HTR1F: variants seen among roughly 807,000 people sequenced by gnomAD.
HTR1F encodes the protein 5-hydroxytryptamine (serotonin) receptor 1F, G protein-coupled.
Under a neutral mutation model 24.0 loss-of-function variants are expected in HTR1F, and 17 were observed. The observed-to-expected ratio is 0.71, with a 90% confidence interval of 0.48 to 1.06. The LOEUF (loss-of-function observed/expected upper bound fraction) is 1.06. Ranked by LOEUF, HTR1F falls within the 50% of genes least tolerant of loss-of-function variation. The pLI, the probability that HTR1F is intolerant of heterozygous loss-of-function variation, is 0.00. For missense variants in HTR1F, 391 were observed against 427.8 expected, an observed-to-expected ratio of 0.91 and a Z score of 0.76; for synonymous variants, 186 against 156.8, an observed-to-expected ratio of 1.19 and a Z score of -1.39.
At chr3:87,808,190 T>C (rs1242437151) in intron 1 of HTR1F, among the ~76,000 whole-genome samples, 11 of 151,994 alleles carry the variant, frequency 7.2e-5, no homozygotes, top group African/African-American at 2.7e-4. Flanking sequence ...TGAGGAGAAT[T>C]GGAGTTAGTT....
intron 2 of HTR1F, among the ~76,000 whole-genome samples, chr3:87,861,326 A>T (rs1182458721): frequency 1.3e-5 from 2 of 152,152 alleles, no homozygotes; most frequent in African/African-American, 4.8e-5. Flanking sequence ...TATCACTGTG[A>T]ATACTAAATC....
intron 2 of HTR1F, among the ~76,000 whole-genome samples, chr3:87,879,038 A>C (rs1206735733): frequency 6.6e-6 from 1 of 152,182 alleles, no homozygotes; most frequent in Non-Finnish European, 1.5e-5. Flanking sequence ...GTGCTATTTA[A>C]GTATTTGCAC....
chr3:87,809,571 C>T (rs922862299), intron 1 of HTR1F, among the ~76,000 whole-genome samples: 1 of 151,972 alleles, frequency 6.6e-6, no homozygotes, highest in South Asian at 2.1e-4. Flanking sequence ...ATTTGACAAA[C>T]AGCAAATTAC....
chr3:87,794,752 A>C (rs894822747), intron 1 of HTR1F, among the ~76,000 whole-genome samples: 1 of 152,196 alleles, frequency 6.6e-6, no homozygotes, highest in Non-Finnish European at 1.5e-5. Flanking sequence ...CGCATTAGCC[A>C]AATTTTATTA....
At chr3:87,954,884 AC>A (rs1366617334) in intron 2 of HTR1F, among the ~76,000 whole-genome samples, 1 of 151,328 alleles carries the variant, frequency 6.6e-6, no homozygotes, top group Non-Finnish European at 1.5e-5. Flanking sequence ...CCTGTTTTCA[AC>A]CCCGTTCAAC....
At position 87,894,487 on chromosome 3, in the gene HTR1F, A is replaced by T. The variant is rs574550077; in HGVS notation, c.-43+72363A>T. ...TAGCCAGGCTGGCCTCAAACTCCTGACCTCAAGTGATCTGCCCAACTTGGC... is the reference window on the plus strand; with the variant it reads ...TAGCCAGGCTGGCCTCAAACTCCTGTCCTCAAGTGATCTGCCCAACTTGGC... On this transcript the variant is annotated intron_variant, in intron 2 of 2. Coordinates refer to ENST00000319595, the MANE Select transcript of HTR1F (RefSeq NM_001322209.2). 3.4e-3 allele frequency among the ~76,000 whole-genome samples: 506 copies of T among 148,474 alleles called. 8 individuals carry two copies. The highest frequency in any genetic ancestry group is 0.012 in the African/African-American group (484 of 40,070).
At chr3:87,921,429 A>G (rs1321653543) in intron 2 of HTR1F, among the ~76,000 whole-genome samples, 1 of 152,024 alleles carries the variant, frequency 6.6e-6, no homozygotes, top group African/African-American at 2.4e-5. Context: ...AACTTAAAAT[A>G]TAACATGCTT....
chr3:87,828,989 A>C (rs775899464), intron 2 of HTR1F, among the ~76,000 whole-genome samples: 2 of 151,450 alleles, frequency 1.3e-5, no homozygotes, highest in Non-Finnish European at 2.9e-5. Flanking sequence ...CATGTGGTTC[A>C]TTTCTAGGGT....
In HTR1F at chr3:87,818,604, G is replaced by A. The variant is rs1455361586; in HGVS notation, c.-159-3404G>A. ...ACAGTAGGTGGATAGGCTCCTCCAC[G>A]GCCCCTCTCTTCTCAGACCCCTGTC... On this transcript the variant is annotated intron_variant, in intron 1 of 2. Transcript: ENST00000319595. Among the ~76,000 whole-genome samples, 14 of 152,198 alleles carry A rather than the reference G, an allele frequency of 9.2e-5. No individual in the cohort carries two copies. The East Asian group carries it at 1.4e-3, about 15-fold the overall frequency.
intron 1 of HTR1F, among the ~76,000 whole-genome samples, chr3:87,821,723 A>G (rs1030115607): frequency 1.3e-5 from 2 of 152,218 alleles, no homozygotes; most frequent in Middle Eastern, 3.2e-3. Context: ...AATATCTAGT[A>G]GATAGTAATA....
At chr3:87,884,607 C>G (rs1273012447) in intron 2 of HTR1F, among the ~76,000 whole-genome samples, 1 of 152,114 alleles carries the variant, frequency 6.6e-6, no homozygotes, top group African/African-American at 2.4e-5. Flanking sequence ...GGAGACCCAT[C>G]TCACATGCAG....
At chr3:87,937,548 A>G (rs1704454346) in intron 2 of HTR1F, among the ~76,000 whole-genome samples, 1 of 152,154 alleles carries the variant, frequency 6.6e-6, no homozygotes, top group Non-Finnish European at 1.5e-5. Flanking sequence ...CCCCCTGAAA[A>G]CCAGCACAAG....
At chr3:87,855,585 A>AT (rs1175048739) in intron 2 of HTR1F, among the ~76,000 whole-genome samples, 1 of 151,640 alleles carries the variant, frequency 6.6e-6, no homozygotes, top group African/African-American at 2.4e-5. Context: ...CATTTTTAGA[A>AT]TTTTTTTTCT....
intron 1 of HTR1F, among the ~76,000 whole-genome samples, 74 bp downstream of exon 1, chr3:87,792,916 T>C (rs1873209): frequency 0.32 from 49,256 of 151,590 alleles, 8,161 homozygotes; most frequent in East Asian, 0.43. Context: ...GGGGAAGGGG[T>C]GTGGGGACGT....
chr3:87,887,331 G>A (rs1203155071), intron 2 of HTR1F, among the ~76,000 whole-genome samples: 2 of 152,078 alleles, frequency 1.3e-5, no homozygotes, highest in East Asian at 3.9e-4. Context: ...AATTCAAGAT[G>A]GATTAAAGAC....
intron 2 of HTR1F, among the ~76,000 whole-genome samples, chr3:87,865,721 A>G (rs1356036025): frequency 6.6e-6 from 1 of 152,162 alleles, no homozygotes; most frequent in African/African-American, 2.4e-5. Flanking sequence ...ATTCTCTAGT[A>G]TAAAAAATTA....
intron 1 of HTR1F, among the ~76,000 whole-genome samples, chr3:87,820,338 G>A (rs1256532190): frequency 7.9e-5 from 12 of 151,510 alleles, no homozygotes; most frequent in African/African-American, 2.4e-4. Flanking sequence ...CACTACGCCC[G>A]GCTAATTTTT....
At chr3:87,923,789 T>C (rs187728592) in intron 2 of HTR1F, among the ~76,000 whole-genome samples, 9 of 152,102 alleles carry the variant, frequency 5.9e-5, no homozygotes, top group Admixed American at 2.0e-4. Context: ...ATGTGATATA[T>C]CACATTTATT....
intron 2 of HTR1F, among the ~76,000 whole-genome samples, chr3:87,903,250 G>T (rs1264496270): frequency 6.7e-6 from 1 of 149,222 alleles, no homozygotes; most frequent in Non-Finnish European, 1.5e-5. Flanking sequence ...AAAAGCAATG[G>T]CAACAAAAGC....
Sources: allele counts gnomAD v4.1 joint callset (sites outside exome capture counted in the v4.1 genomes callset), GRCh38; gene constraint gnomAD v4.1.1; transcripts MANE v1.5; gene names NCBI Gene and HGNC (gene_info 2026-07-23, HGNC 2026-07-21).